Variants in PRDM5 observed in about 807,000 individuals in gnomAD.
PRDM5 encodes PR/SET domain 5.
Under a neutral mutation model 81.2 loss-of-function variants are expected in PRDM5, and 56 were observed. The ratio of observed to expected loss-of-function variants is 0.69; its 90% CI spans 0.56 to 0.86. The LOEUF (loss-of-function observed/expected upper bound fraction) is 0.86, where lower values mean the gene tolerates loss of function less well. Among genes scored for constraint, PRDM5 ranks in the 40% least tolerant of loss-of-function variants. The pLI is 0.00. For missense variants in PRDM5, 697 were observed against 770.1 expected, an observed-to-expected ratio of 0.91 and a Z score of 1.12; for synonymous variants, 267 against 256.4, an observed-to-expected ratio of 1.04 and a Z score of -0.39.
At chr4:120,827,139 G>A (rs1467399791) in intron 3 of PRDM5, among the ~76,000 whole-genome samples, 1 of 152,134 alleles carries the variant, frequency 6.6e-6, no homozygotes, top group Non-Finnish European at 1.5e-5. Context: ...GACAACGAAT[G>A]CATTCTGATA....
chr4:120,908,646 G>A (rs186175157), intron 1 of PRDM5, among the ~76,000 whole-genome samples: 30 of 152,320 alleles, frequency 2.0e-4, no homozygotes, highest in Middle Eastern at 3.4e-3. Context: ...ATAAATACTG[G>A]CAGAGCCAGG....
At position 120,710,332 on chromosome 4, in the gene PRDM5, C is replaced by A; in HGVS notation, c.1705G>T (p.Gly569Ter). The A allele has an allele frequency of 6.2e-7, 1 of 1,613,926 alleles. No individual in the cohort carries two copies. Among genetic ancestry groups the A allele is most frequent in the Non-Finnish European group, 8.5e-7 (1 of 1,179,986 alleles). ...ACATCACACTGAAAAGGCTTTTCTC[C>A]AGTGTGCGTCCTCTTGTGCTCATCC... ...GLDEHKRTHTGEKPFQCDVCD... is the reference protein window; with the variant it reads ...GLDEHKRTHT Residue 569 changes from glycine (G) to a stop codon, truncating the protein, a stop_gained, in exon 15 of 16, where the codon GGA becomes TGA. Transcript: ENST00000264808. LOFTEE classifies it high-confidence loss of function.
intron 7 of PRDM5, among the ~76,000 whole-genome samples, chr4:120,814,577 T>A (rs1482834293): frequency 6.6e-6 from 1 of 152,218 alleles, no homozygotes. Flanking sequence ...TTCTCTCTAA[T>A]CATCATCCTC....
intron 15 of PRDM5, among the ~76,000 whole-genome samples, chr4:120,708,023 G>T (rs1162057714): frequency 6.6e-6 from 1 of 152,038 alleles, no homozygotes; most frequent in Non-Finnish European, 1.5e-5. Flanking sequence ...AGAATGGGGA[G>T]AAATTGGAAT....
At position 120,705,951 on chromosome 4, in the gene PRDM5, A is replaced by C. The variant is rs192216639; in HGVS notation, c.1728+4358T>G. Among the ~76,000 whole-genome samples, 5 of 152,306 alleles carry C rather than the reference A, an allele frequency of 3.3e-5. No individual in the cohort carries two copies. The East Asian group carries it at 9.6e-4, about 29-fold the overall frequency. Reference sequence around the variant, plus strand: ...ATGTAGGGTGTGAGAGAATTAGAGAAATAAAGGTGACAATGAGAATTTAGA... The same window carrying C: ...ATGTAGGGTGTGAGAGAATTAGAGACATAAAGGTGACAATGAGAATTTAGA... On this transcript the variant is annotated intron_variant, in intron 15 of 15. Transcript: ENST00000264808.
At chr4:120,911,934 G>A (rs1389561985) in intron 1 of PRDM5, among the ~76,000 whole-genome samples, 1 of 152,090 alleles carries the variant, frequency 6.6e-6, no homozygotes, top group Non-Finnish European at 1.5e-5. Context: ...AAGGAATTAA[G>A]CATTTTATCC....
chr4:120,812,215 A>T (rs1368599444), intron 7 of PRDM5, among the ~76,000 whole-genome samples: 3 of 152,092 alleles, frequency 2.0e-5, no homozygotes, highest in Admixed American at 6.5e-5. Context: ...GATTCCAAAT[A>T]TTGGCTATTG....
chr4:120,776,332 T>G (rs898463436), intron 13 of PRDM5, among the ~76,000 whole-genome samples: 12 of 152,210 alleles, frequency 7.9e-5, no homozygotes, highest in African/African-American at 2.9e-4. Context: ...TTCACTGTAT[T>G]GATTCTTTGG....
intron 2 of PRDM5, among the ~76,000 whole-genome samples, chr4:120,856,982 G>A (rs942928480): frequency 1.6e-4 from 24 of 152,242 alleles, no homozygotes; most frequent in African/African-American, 5.1e-4. Context: ...CAGTCTCATC[G>A]TGTAGTAAAA....
At chr4:120,767,801 G>A (rs1376030058) in intron 13 of PRDM5, among the ~76,000 whole-genome samples, 1 of 152,156 alleles carries the variant, frequency 6.6e-6, no homozygotes, top group African/African-American at 2.4e-5. Context: ...GAGGGACCCG[G>A]TGGGAAATAA....
chr4:120,872,708 C>T (rs920613118), intron 2 of PRDM5, among the ~76,000 whole-genome samples: 1 of 152,072 alleles, frequency 6.6e-6, no homozygotes, highest in African/African-American at 2.4e-5. Flanking sequence ...GAACTATGAT[C>T]GCACCACTGT....
intron 3 of PRDM5, 33 bp from the exon 4 acceptor site, chr4:120,821,378 CATTT>C (rs897482844): frequency 3.2e-6 from 5 of 1,569,974 alleles, no homozygotes; most frequent in African/African-American, 1.4e-5. Flanking sequence ...CTGAACCATT[CATTT>C]GTTTCTGATA....
chr4:120,723,923 A>ATTTTTTTTTTTTTTTTTTT (rs70948360), intron 14 of PRDM5, among the ~76,000 whole-genome samples: 1 of 81,276 alleles, frequency 1.2e-5, no homozygotes, highest in African/African-American at 5.2e-5. Context: ...GATAGCTTGA[A>ATTTTTTTTTTTTTTTTTTT]TTTTTTTTTT....
At chr4:120,791,676 G>C (rs1431305011) in intron 10 of PRDM5, among the ~76,000 whole-genome samples, 1 of 152,006 alleles carries the variant, frequency 6.6e-6, no homozygotes, top group Admixed American at 6.6e-5. Flanking sequence ...CTCACCCCCT[G>C]GCTCTGCCAC....
intron 2 of PRDM5, among the ~76,000 whole-genome samples, chr4:120,884,516 A>G (rs539962850): frequency 6.6e-6 from 1 of 152,362 alleles, no homozygotes; most frequent in Admixed American, 6.5e-5. Flanking sequence ...TAACATAGAA[A>G]TAATGAAAGA....
chr4:120,763,937 A>G (rs1745999192), intron 13 of PRDM5, among the ~76,000 whole-genome samples: 1 of 151,984 alleles, frequency 6.6e-6, no homozygotes, highest in Non-Finnish European at 1.5e-5. Context: ...TAAAAAAAAA[A>G]AACAGCTAGA....
rs753470220 is a variant in PRDM5 at position 120,907,531 on chromosome 4, T to C, written c.120A>G (p.Gly40=). 3.7e-6 allele frequency: 6 copies of C among 1,612,766 alleles called. No individual in the cohort carries two copies. In the African/African-American group the frequency reaches 4.0e-5, roughly 11 times the overall value. The change falls in exon 2 of 16, where the codon GGA becomes GGG. Residue 40 remains glycine, a synonymous_variant. Coordinates refer to ENST00000264808, the MANE Select transcript of PRDM5 (RefSeq NM_018699.4). ...CCAAGTCTTCAGGCATTCTCTTCTC[T>C]CCAGCAAAGGGTCCGAACTTTTCAC... ...RKGEKFGPFA[G]EKRMPEDLDE...
chr4:120,831,074 A>AAT (rs887050260), intron 3 of PRDM5, among the ~76,000 whole-genome samples: 37 of 152,166 alleles, frequency 2.4e-4, no homozygotes, highest in African/African-American at 8.4e-4. Context: ...TTTGAAAAAA[A>AAT]ATATATATAC....
At chr4:120,845,322 G>T (rs1758534197) in intron 3 of PRDM5, among the ~76,000 whole-genome samples, 1 of 152,180 alleles carries the variant, frequency 6.6e-6, no homozygotes, top group African/African-American at 2.4e-5. Context: ...AGTGACACCT[G>T]GATTCAAAGC....
Sources: allele counts gnomAD v4.1 joint callset (sites outside exome capture counted in the v4.1 genomes callset), GRCh38; gene constraint gnomAD v4.1.1; transcripts MANE v1.5; gene names NCBI Gene and HGNC (gene_info 2026-07-23, HGNC 2026-07-21).